PCNX2: variants seen among roughly 807,000 people sequenced by gnomAD.
PCNX2 encodes pecanex 2.
A neutral mutation model predicts 223.8 loss-of-function variants in PCNX2; 168 were observed. The observed-to-expected ratio is 0.75, with a 90% confidence interval of 0.66 to 0.85. The LOEUF is 0.85. Among genes scored for constraint, PCNX2 ranks in the 40% least tolerant of loss-of-function variants. The probability of loss-of-function intolerance (pLI) is 0.00; values close to 1 mark genes in which losing one functional copy is unlikely to be tolerated. For synonymous variants in PCNX2, 1,006 were observed against 1,052.6 expected (o/e 0.96, Z 0.86); for missense variants, 2,507 against 2,675.5 (o/e 0.94, Z 1.39).
At chr1:233,119,605 A>AAAAAC (rs923731916) in intron 21 of PCNX2, among the ~76,000 whole-genome samples, 2 of 149,776 alleles carry the variant, frequency 1.3e-5, no homozygotes, top group African/African-American at 4.9e-5. Flanking sequence ...AAACAAAAAC[A>AAAAAC]AAAACAAAAC....
At chr1:233,270,665 C>T (rs1329833671) in intron 1 of PCNX2, among the ~76,000 whole-genome samples, 2 of 152,204 alleles carry the variant, frequency 1.3e-5, no homozygotes, top group African/African-American at 4.8e-5. Context: ...AACACTTTGT[C>T]TTAGGCCTGC....
upstream of PCNX2, among the ~76,000 whole-genome samples, chr1:233,297,646 A>G (rs1662195365): frequency 6.6e-6 from 1 of 152,204 alleles, no homozygotes; most frequent in Non-Finnish European, 1.5e-5. Context: ...AGGATAGTCT[A>G]ACATGTCTGG....
chr1:233,193,363 G>A (rs1375149090), intron 15 of PCNX2, among the ~76,000 whole-genome samples: 1 of 152,020 alleles, frequency 6.6e-6, no homozygotes, highest in Non-Finnish European at 1.5e-5. Flanking sequence ...ACATAACAGG[G>A]AAACTTTTCC....
At chr1:233,241,793 T>C (rs1259093141) in intron 8 of PCNX2, among the ~76,000 whole-genome samples, 1 of 152,238 alleles carries the variant, frequency 6.6e-6, no homozygotes, top group Non-Finnish European at 1.5e-5. Flanking sequence ...GAAGTCACAA[T>C]GTTTTACTCT....
At chr1:233,167,117 T>A (rs1306043612) in intron 17 of PCNX2, among the ~76,000 whole-genome samples, 5 of 152,178 alleles carry the variant, frequency 3.3e-5, no homozygotes, top group Non-Finnish European at 7.3e-5. Flanking sequence ...CTGTTCACAA[T>A]AGCCAAGATG....
At chr1:233,256,397 A>G (rs1357611778) in intron 5 of PCNX2, among the ~76,000 whole-genome samples, 1 of 152,206 alleles carries the variant, frequency 6.6e-6, no homozygotes, top group Admixed American at 6.5e-5. Context: ...GTCCAAGCTC[A>G]ACCAGCTGGT....
At chr1:233,120,417 G>A (rs1341546821) in intron 21 of PCNX2, among the ~76,000 whole-genome samples, 1 of 152,086 alleles carries the variant, frequency 6.6e-6, no homozygotes, top group African/African-American at 2.4e-5. Flanking sequence ...ATCCACCAGA[G>A]TGGTTAAAAT....
chr1:233,300,329 G>T (rs946775828), upstream of PCNX2, among the ~76,000 whole-genome samples: 2 of 152,226 alleles, frequency 1.3e-5, no homozygotes, highest in African/African-American at 4.8e-5. Flanking sequence ...AGCTAGGGAT[G>T]AGAGAAACAA....
At chr1:233,002,476 A>T (rs188573392) in intron 28 of PCNX2, among the ~76,000 whole-genome samples, 2 of 152,338 alleles carry the variant, frequency 1.3e-5, no homozygotes, top group Non-Finnish European at 2.9e-5. Context: ...TTCAAGGAGA[A>T]CTACAAACCA....
At chr1:233,017,357 A>G (rs377077921) in intron 26 of PCNX2, among the ~76,000 whole-genome samples, 1,716 of 121,408 alleles carry the variant, frequency 0.014, 51 homozygotes, top group African/African-American at 0.051. Flanking sequence ...TTGCTCTGTC[A>G]CCCAGGCTGG....
intron 13 of PCNX2, among the ~76,000 whole-genome samples, chr1:233,207,309 G>A (rs1558344005): frequency 6.6e-6 from 1 of 152,206 alleles, no homozygotes; most frequent in Non-Finnish European, 1.5e-5. Flanking sequence ...AGTTGGGAAA[G>A]GATGATGTGG....
At chr1:233,121,490 T>C (rs977349574) in intron 21 of PCNX2, among the ~76,000 whole-genome samples, 1 of 152,164 alleles carries the variant, frequency 6.6e-6, no homozygotes, top group Non-Finnish European at 1.5e-5. Context: ...AATAGACACA[T>C]ATATTAATTG....
intron 25 of PCNX2, among the ~76,000 whole-genome samples, chr1:233,027,665 AG>A (rs1283055833): frequency 1.3e-5 from 2 of 152,162 alleles, no homozygotes; most frequent in Non-Finnish European, 2.9e-5. Flanking sequence ...TTTTCTGTAA[AG>A]GGCCAGAGAG....
chr1:233,160,164 AT>A, intron 19 of PCNX2, 118 bp downstream of exon 19: 1 of 1,137,666 alleles, frequency 8.8e-7, no homozygotes, highest in South Asian at 1.6e-5. Flanking sequence ...ACCATCTGCC[AT>A]TTTCAAGTGT....
chr1:233,318,291 A>C, the PCNX2 span, among the ~76,000 whole-genome samples: 5 of 152,252 alleles, frequency 3.3e-5, no homozygotes, highest in East Asian at 9.7e-4. Flanking sequence ...GAATTCACAT[A>C]CAGTTTTTGA....
rs536876342 is a variant in PCNX2 at position 233,253,297 on chromosome 1, A to G, written c.1835-509T>C. Among the ~76,000 whole-genome samples, 26 of 152,272 alleles carry G rather than the reference A, an allele frequency of 1.7e-4. No individual in the cohort carries two copies. The highest frequency in any genetic ancestry group is 5.5e-4 in the African/African-American group (23 of 41,554). ...GAATTGTCCCCTTCATAAAGCAAAT[A>G]CTTGTTAAGTATAGCTGGGGGCGGG... On this transcript the variant is annotated intron_variant, in intron 5 of 33. Transcript: ENST00000258229. The surrounding 1 kb of genome is among the most constrained non-coding windows in gnomAD (Gnocchi z 4.2).
At chr1:233,117,024 A>T (rs1675452231) in intron 21 of PCNX2, among the ~76,000 whole-genome samples, 1 of 152,208 alleles carries the variant, frequency 6.6e-6, no homozygotes, top group Non-Finnish European at 1.5e-5. Flanking sequence ...GTACAACAGA[A>T]CAATAGTAAA....
intron 24 of PCNX2, chr1:233,054,768 T>C (rs577477940): frequency 3.4e-5 from 7 of 203,780 alleles, no homozygotes; most frequent in South Asian, 2.8e-4. Context: ...ATTTGTTAAA[T>C]ACAAATAAAT....
rs1335127533 is a variant in PCNX2 at position 232,984,058 on chromosome 1, G to C, written c.*246C>G. 2.7e-6 allele frequency: 1 copy of C among 370,074 alleles called. No homozygotes were observed. The highest frequency in any genetic ancestry group is 4.7e-6 in the Non-Finnish European group (1 of 214,520). The allele number at this position is 370,074 out of a possible 1,614,324, so 22.9% of individuals were successfully genotyped here. Reference sequence around the variant, plus strand: ...GGAGGTGTGGTGTGGCTTCTTTGTTGCTTTTTTTTGTTTCCCCATCATGTG... The same window carrying C: ...GGAGGTGTGGTGTGGCTTCTTTGTTCCTTTTTTTTGTTTCCCCATCATGTG... On this transcript the variant is annotated 3_prime_UTR_variant, in exon 34 of 34. Coordinates refer to ENST00000258229, the MANE Select transcript of PCNX2 (RefSeq NM_014801.4).
Sources: allele counts gnomAD v4.1 joint callset (sites outside exome capture counted in the v4.1 genomes callset), GRCh38; gene constraint gnomAD v4.1.1; non-coding constraint Gnocchi (gnomAD v3.1); transcripts MANE v1.5; gene names NCBI Gene and HGNC (gene_info 2026-07-23, HGNC 2026-07-21).